The following PIGN variants were observed in gnomAD, a reference collection of about 807,000 sequenced individuals.
PIGN encodes the protein phosphatidylinositol glycan anchor biosynthesis class N, also known as GPI ethanolamine phosphate transferase 1.
Under a neutral mutation model 125.4 loss-of-function variants are expected in PIGN, and 117 were observed. The observed-to-expected ratio is 0.93, with a 90% CI of 0.80 to 1.09. PIGN has a LOEUF of 1.09. PIGN is among the 50% of genes least tolerant of loss of function. The pLI, the probability that PIGN is intolerant of heterozygous loss-of-function variation, is 0.00. For missense variants in PIGN, 1,075 were observed against 1,094.9 expected (o/e 0.98, Z 0.26); for synonymous variants, 392 against 377.8 (o/e 1.04, Z -0.44).
intron 28 of PIGN, among the ~76,000 whole-genome samples, chr18:62,081,881 A>ATG (rs2145898679): frequency 6.6e-6 from 1 of 152,236 alleles, no homozygotes; most frequent in East Asian, 1.9e-4. Flanking sequence ...TTTTTTCATT[A>ATG]TGGCATATCC....
intron 1 of PIGN, among the ~76,000 whole-genome samples, chr18:62,177,735 A>G (rs1419968622): frequency 6.6e-6 from 1 of 152,160 alleles, no homozygotes; most frequent in Non-Finnish European, 1.5e-5. Context: ...CTATTTTTGC[A>G]AAGACTTTAT....
intron 14 of PIGN, among the ~76,000 whole-genome samples, chr18:62,132,569 C>T (rs1450640394): frequency 1.3e-5 from 2 of 152,020 alleles, no homozygotes; most frequent in Non-Finnish European, 2.9e-5. Context: ...CAGTCAGGCA[C>T]AGTAGCTCAC....
chr18:62,139,159 A>G, intron 12 of PIGN, 84 bp from the exon 13 acceptor site: 1 of 733,436 alleles, frequency 1.4e-6, no homozygotes, highest in Non-Finnish European at 2.3e-6. Flanking sequence ...TAAAAGCAAT[A>G]AAGATAAGGC....
At chr18:62,157,543 G>T in intron 5 of PIGN, 144 bp downstream of exon 5, 1 of 735,144 alleles carries the variant, frequency 1.4e-6, no homozygotes, top group Non-Finnish European at 2.3e-6. Context: ...GTACCAGTGG[G>T]TATTCATGTC....
chr18:62,167,720 A>C (rs145173079), intron 1 of PIGN, among the ~76,000 whole-genome samples: 10,319 of 151,716 alleles, frequency 0.068, 418 homozygotes, highest in Middle Eastern at 0.15. Context: ...ATATACACAC[A>C]CACACAATAG....
At chr18:62,164,033 C>G (rs1420298757) in intron 1 of PIGN, among the ~76,000 whole-genome samples, 1 of 152,156 alleles carries the variant, frequency 6.6e-6, no homozygotes. Context: ...AGACTGAAAT[C>G]AGAACATTGC....
In PIGN at chr18:62,145,957, A is replaced by G; in HGVS notation, c.874T>C (p.Tyr292His). 1 of 1,609,130 alleles carries G rather than the reference A, an allele frequency of 6.2e-7. No individual in the cohort carries two copies. The highest frequency in any genetic ancestry group is 8.5e-7 in the Non-Finnish European group (1 of 1,176,522). The change falls in exon 10 of 31, where the codon TAT (tyrosine) becomes CAT (histidine). Residue 292 changes from tyrosine (Y) to histidine (H), a missense_variant. By Grantham distance (83) the Tyr-to-His change is moderately conservative (BLOSUM62 2). Transcript: ENST00000640252. Reference sequence around the variant, plus strand: ...TGCTGAGCTGATACTCTTTGGGGATACTTGATTCCAGCTCCCCAAGTGACT... The same window carrying G: ...TGCTGAGCTGATACTCTTTGGGGATGCTTGATTCCAGCTCCCCAAGTGACT... The part of the protein sequence containing the change: ...PLVTWGAGIK[Y>H]PQRVSAQQFD...
intron 28 of PIGN, among the ~76,000 whole-genome samples, chr18:62,081,149 CAAAT>C (rs1280632487): frequency 2.0e-5 from 3 of 152,058 alleles, no homozygotes; most frequent in Non-Finnish European, 4.4e-5. Flanking sequence ...ACCTAATAAA[CAAAT>C]AAGTCATTAG....
chr18:62,078,796 C>T (rs1335921633), intron 28 of PIGN, among the ~76,000 whole-genome samples: 1 of 152,174 alleles, frequency 6.6e-6, no homozygotes, highest in African/African-American at 2.4e-5. Context: ...TAAATACCTG[C>T]TATTGAGCTT....
At chr18:62,041,037 C>T (rs1005480478), downstream of PIGN, 8 of 152,034 alleles carry the variant, frequency 5.3e-5, no homozygotes, top group African/African-American at 1.9e-4. Flanking sequence ...GATTTTAGCC[C>T]TTTGAGGCCA....
At chr18:62,137,665 G>A (rs1017388392) in intron 14 of PIGN, 3 of 152,824 alleles carry the variant, frequency 2.0e-5, no homozygotes, top group African/African-American at 7.2e-5. Flanking sequence ...TCGAACTCCT[G>A]AGCTCAAGAG....
chr18:62,077,178 G>C (rs1407411636), intron 28 of PIGN, among the ~76,000 whole-genome samples: 1 of 152,166 alleles, frequency 6.6e-6, no homozygotes, highest in Non-Finnish European at 1.5e-5. Flanking sequence ...AGGAGTTCAA[G>C]ACCAGCCTGG....
intron 14 of PIGN, among the ~76,000 whole-genome samples, chr18:62,129,442 G>A (rs2035652224): frequency 6.6e-6 from 1 of 152,152 alleles, no homozygotes; most frequent in Non-Finnish European, 1.5e-5. Flanking sequence ...CTCCATCTCA[G>A]CTGCTCTCTG....
chr18:62,050,006 T>G (rs1200375575), intron 30 of PIGN, among the ~76,000 whole-genome samples: 1 of 151,710 alleles, frequency 6.6e-6, no homozygotes, highest in African/African-American at 2.4e-5. Context: ...GATCAGATAG[T>G]TGTAGATATG....
intron 16 of PIGN, chr18:62,110,277 G>T: frequency 7.6e-6 from 1 of 131,842 alleles, no homozygotes; most frequent in Non-Finnish European, 1.2e-5. Context: ...TTTCCTTTTA[G>T]GAATATTTTA....
rs1387194233 is a variant in PIGN at position 62,074,823 on chromosome 18, T to TG, written c.2577-3dup. On this transcript the variant is annotated splice_polypyrimidine_tract_variant and splice_region_variant and intron_variant, in intron 28 of 30. Coordinates refer to ENST00000640252, the MANE Select transcript of PIGN (RefSeq NM_176787.5). ...ATGACGAGAACAATGAGAAAAAGGC[T>TG]GGAAAAAAAAAGAAGGAAAAATTAC... 6.2e-7 allele frequency: 1 copy of TG among 1,602,068 alleles called. No homozygotes were observed. The highest frequency in any genetic ancestry group is 8.5e-7 in the Non-Finnish European group (1 of 1,171,914).
chr18:62,164,291 T>C (rs1235304621), intron 1 of PIGN, among the ~76,000 whole-genome samples: 1 of 152,234 alleles, frequency 6.6e-6, no homozygotes, highest in Non-Finnish European at 1.5e-5. Flanking sequence ...TTTTTACACA[T>C]ATTTCATACT....
At chr18:62,066,519 A>G (rs1196830940) in intron 30 of PIGN, among the ~76,000 whole-genome samples, 1 of 152,208 alleles carries the variant, frequency 6.6e-6, no homozygotes, top group Non-Finnish European at 1.5e-5. Flanking sequence ...ACCAGGGGCA[A>G]TCCTTTGACT....
At chr18:62,116,432 G>A (rs1460868780) in intron 14 of PIGN, among the ~76,000 whole-genome samples, 1 of 152,130 alleles carries the variant, frequency 6.6e-6, no homozygotes, top group Non-Finnish European at 1.5e-5. Context: ...ATGACCCTCT[G>A]CTGCTACTTC....
Sources: gnomAD v4.1 joint callset for allele counts (sites outside exome capture counted in the v4.1 genomes callset) on GRCh38, gnomAD v4.1.1 for gene constraint, MANE v1.5 for transcripts, NCBI Gene and HGNC (gene_info 2026-07-23, HGNC 2026-07-21) for gene names.